The following UBQLN1 variants were observed in gnomAD, a reference collection of about 807,000 sequenced individuals.
The protein encoded by UBQLN1 is ubiquilin 1, also known as ubiquilin-1.
UBQLN1 carries 13 observed loss-of-function variants against 65.4 expected under a neutral mutation model. The observed-to-expected ratio is 0.20, with a 90% confidence interval of 0.13 to 0.32. The LOEUF (loss-of-function observed/expected upper bound fraction) is 0.32. Ranked by LOEUF, UBQLN1 falls within the 10% of genes least tolerant of loss-of-function variation. The probability of loss-of-function intolerance (pLI) is 1.00; values close to 1 mark genes in which losing one functional copy is unlikely to be tolerated. For synonymous variants in UBQLN1, 267 were observed against 247.8 expected (o/e 1.08, Z -0.73); for missense variants, 561 against 724.0 (o/e 0.77, Z 2.58).
intron 1 of UBQLN1, among the ~76,000 whole-genome samples, chr9:83,687,158 G>A (rs1479029342): frequency 6.6e-6 from 1 of 152,108 alleles, no homozygotes; most frequent in Admixed American, 6.6e-5. Context: ...AAGTCCAAAG[G>A]AAGCATAAAG....
intron 1 of UBQLN1, among the ~76,000 whole-genome samples, chr9:83,692,628 G>A (rs555389006): frequency 3.1e-4 from 47 of 152,250 alleles, no homozygotes; most frequent in Middle Eastern, 3.4e-3. Flanking sequence ...CGAGGCAGGC[G>A]GATCACCTGA....
At chr9:83,690,012 AC>A (rs1311379163) in intron 1 of UBQLN1, among the ~76,000 whole-genome samples, 1 of 152,242 alleles carries the variant, frequency 6.6e-6, no homozygotes, top group Non-Finnish European at 1.5e-5. Flanking sequence ...GCAACTGGAA[AC>A]CACACACACT....
At chr9:83,688,272 C>T (rs1463885128) in intron 1 of UBQLN1, among the ~76,000 whole-genome samples, 1 of 152,132 alleles carries the variant, frequency 6.6e-6, no homozygotes, top group Non-Finnish European at 1.5e-5. Context: ...CTATTTCAGA[C>T]ACAGAAAAAG....
intron 6 of UBQLN1, among the ~76,000 whole-genome samples, chr9:83,672,738 C>T (rs181848666): frequency 6.6e-6 from 1 of 152,282 alleles, no homozygotes; most frequent in Admixed American, 6.5e-5. Flanking sequence ...GAAGTGGGCA[C>T]ATGCTGTTGG....
chr9:83,686,223 G>T, intron 1 of UBQLN1, 68 bp from the exon 2 acceptor site: 1 of 1,101,414 alleles, frequency 9.1e-7, no homozygotes, highest in Non-Finnish European at 1.2e-6. Context: ...AGTTTCTACA[G>T]GTACCTCATA....
At chr9:83,683,851 A>C (rs1047170333) in intron 2 of UBQLN1, among the ~76,000 whole-genome samples, 2 of 152,028 alleles carry the variant, frequency 1.3e-5, no homozygotes, top group East Asian at 3.9e-4. Context: ...GTAAAACCCT[A>C]TCTCTACTAA....
chr9:83,670,400 A>G (rs1831710614), intron 6 of UBQLN1, among the ~76,000 whole-genome samples: 1 of 151,858 alleles, frequency 6.6e-6, no homozygotes, highest in South Asian at 2.1e-4. Context: ...TTCACATCCT[A>G]GAGTCCAACC....
chr9:83,669,343 TA>T lies in UBQLN1; in HGVS notation c.1106-17del, dbSNP rs763992796. ...AACATACTAGCTGAAAGTTTGTTTT[TA>T]AAAAAGACATATTAAGGAAAAATAC... On this transcript the variant is annotated splice_polypyrimidine_tract_variant and intron_variant, in intron 6 of 10. Transcript: ENST00000376395. The T allele has an allele frequency of 1.3e-6, 2 of 1,573,092 alleles. No individual in the cohort carries two copies. Among genetic ancestry groups the T allele is most frequent in the Non-Finnish European group, 1.7e-6 (2 of 1,168,208 alleles).
intron 1 of UBQLN1, among the ~76,000 whole-genome samples, chr9:83,701,996 G>A (rs963909635): frequency 6.6e-6 from 1 of 152,204 alleles, no homozygotes; most frequent in African/African-American, 2.4e-5. Context: ...AAGGAAGTAA[G>A]TACCGGCACA....
At position 83,683,060 on chromosome 9, in the gene UBQLN1, C is replaced by T; in HGVS notation, c.339G>A (p.Gln113=). Residue 113 remains glutamine (Q), a synonymous_variant, in exon 3 of 11, where the codon CAG becomes CAA. Transcript: ENST00000376395. ...HLVIKTQNRP[Q]DHSAQQTNTA... is the part of the protein sequence containing the mutation. ...TATTTGTTTGCTGAGCTGAATGATC[C>T]TGAGGCCTAGGGAAAATAATTAATC... is the stretch of plus-strand genomic sequence containing the variant. 1 of 1,607,188 alleles carries T rather than the reference C, an allele frequency of 6.2e-7. No homozygotes were observed. Among genetic ancestry groups the T allele is most frequent in the Non-Finnish European group, 8.5e-7 (1 of 1,175,866 alleles).
In UBQLN1 at chr9:83,701,807, C is replaced by T. The variant is rs1316277278; in HGVS notation, c.180+5693G>A. The stretch of plus-strand genomic sequence containing the variant: ...AGCTTTGACCCAGCAATTTCCACTC[C>T]AAGATCTACACCCAAGAAAAATGAA... On this transcript the variant is annotated intron_variant, in intron 1 of 10. Transcript: ENST00000376395. Among the ~76,000 whole-genome samples, 3 of 152,154 alleles carry T rather than the reference C, an allele frequency of 2.0e-5. No individual in the cohort carries two copies. In the East Asian group the frequency reaches 5.8e-4, roughly 29 times the overall value.
At chr9:83,667,396 T>G (rs1015749049) in intron 7 of UBQLN1, 1 of 613,432 alleles carries the variant, frequency 1.6e-6, no homozygotes, top group Admixed American at 6.3e-5. Context: ...CTCAAGAAGT[T>G]AACCGTATTT....
intron 3 of UBQLN1, 46 bp from the exon 4 acceptor site, chr9:83,680,083 T>G (rs750285139): frequency 1.3e-6 from 2 of 1,553,670 alleles, no homozygotes; most frequent in South Asian, 1.2e-5. Context: ...GTCAGAAAAT[T>G]TATCATTAAC....
At chr9:83,694,862 T>C (rs1832183820) in intron 1 of UBQLN1, among the ~76,000 whole-genome samples, 1 of 152,204 alleles carries the variant, frequency 6.6e-6, no homozygotes, top group Admixed American at 6.5e-5. Context: ...ATGTTAAAAA[T>C]GTAGCCAGTG....
intron 8 of UBQLN1, 57 bp downstream of exon 8, chr9:83,666,293 A>T: frequency 6.4e-7 from 1 of 1,552,648 alleles, no homozygotes; most frequent in Non-Finnish European, 8.9e-7. Context: ...AATGTTTATC[A>T]TCAAATTTTT....
intron 7 of UBQLN1, 34 bp downstream of exon 7, chr9:83,669,151 T>C (rs368869937): frequency 1.8e-5 from 29 of 1,590,028 alleles, no homozygotes; most frequent in Non-Finnish European, 2.3e-5. Context: ...TAATTCACAC[T>C]GCACAGTCTT....
At chr9:83,667,541 CCAGTAAGTTCA>C in intron 7 of UBQLN1, 5 of 985,394 alleles carry the variant, frequency 5.1e-6, no homozygotes, top group Non-Finnish European at 6.0e-6. Context: ...TTCAAAGTGA[CCAGTAAGTTCA>C]CAGTAAGTAA....
At chr9:83,696,171 C>T (rs1404936937) in intron 1 of UBQLN1, among the ~76,000 whole-genome samples, 1 of 152,196 alleles carries the variant, frequency 6.6e-6, no homozygotes, top group Non-Finnish European at 1.5e-5. Context: ...AACTCTTGAC[C>T]TCATAATCCG....
intron 1 of UBQLN1, among the ~76,000 whole-genome samples, chr9:83,693,184 A>T (rs1832156666): frequency 6.6e-6 from 1 of 152,228 alleles, no homozygotes. Flanking sequence ...TTGAATAAGC[A>T]ATGTAATGAT....
Sources: allele counts gnomAD v4.1 joint callset (sites outside exome capture counted in the v4.1 genomes callset), GRCh38; gene constraint gnomAD v4.1.1; transcripts MANE v1.5; gene names NCBI Gene and HGNC (gene_info 2026-07-23, HGNC 2026-07-21).